KCP: variants seen among roughly 807,000 people sequenced by gnomAD.
KCP encodes the protein kielin/chordin-like protein.
In KCP, 194 loss-of-function variants were observed where a neutral mutation model predicts 212.7. The observed-to-expected ratio is 0.91, with a 90% CI of 0.81 to 1.03. The LOEUF (loss-of-function observed/expected upper bound fraction) is 1.03. KCP is among the 50% of genes least tolerant of loss of function. The pLI, the probability that KCP is intolerant of heterozygous loss-of-function variation, is 0.00. For missense variants in KCP, 2,080 were observed against 2,162.5 expected (o/e 0.96, Z 0.76); for synonymous variants, 833 against 865.3 (o/e 0.96, Z 0.65).
chr7:128,904,322 C>A (rs1254665245), intron 5 of KCP, 184 bp from the exon 6 acceptor site: 5 of 1,551,920 alleles, frequency 3.2e-6, no homozygotes, highest in Non-Finnish European at 2.6e-6. Flanking sequence ...AGGTGGGGTG[C>A]AGCTCTCCAA....
At position 128,891,206 on chromosome 7, in the gene KCP, C is replaced by G. The variant is rs1794101616; in HGVS notation, c.1951G>C (p.Glu651Gln). 2.6e-6 allele frequency: 4 copies of G among 1,544,526 alleles called. No individual in the cohort carries two copies. The highest frequency in any genetic ancestry group is 4.9e-5 in the East Asian group (2 of 40,880). ...CTACCTGGGCACTGCGGGCAGCACT[C>G]TCCCGGCAGCAGGACAGGCTCTGGA... ...PCPEPVLLPGECCPQCPAAPA... is the reference protein window; with the variant it reads ...PCPEPVLLPGQCCPQCPAAPA... The change falls in exon 19 of 40, where the codon GAG becomes CAG. Residue 651 changes from glutamate (E) to glutamine (Q), a missense_variant. Transcript: ENST00000610776.
intron 5 of KCP, among the ~76,000 whole-genome samples, chr7:128,905,100 C>T (rs1413228413): frequency 6.6e-6 from 1 of 151,960 alleles, no homozygotes; most frequent in South Asian, 2.1e-4. Context: ...GCACTCCAGG[C>T]TGCATTTCCA....
In KCP at chr7:128,884,876, G is replaced by A; in HGVS notation, c.3041-13C>T. On this transcript the variant is annotated splice_polypyrimidine_tract_variant and intron_variant, in intron 27 of 39. Coordinates refer to ENST00000610776, the MANE Select transcript of KCP (RefSeq NM_001366122.1). ...TCATGCTCACAGTCTTTGGGGTGGA[G>A]TGAGAGCAGAACGGGACCAGGGGTC... The A allele has an allele frequency of 6.5e-7, 1 of 1,550,366 alleles. No homozygotes were observed. The highest frequency in any genetic ancestry group is 8.7e-7 in the Non-Finnish European group (1 of 1,146,622).
At chr7:128,905,386 C>T (rs1338613404) in intron 5 of KCP, among the ~76,000 whole-genome samples, 1 of 152,220 alleles carries the variant, frequency 6.6e-6, no homozygotes. Flanking sequence ...CCAGTAACAC[C>T]CCCCTGCATA....
rs1793042665 is a variant in KCP at position 128,877,224 on chromosome 7, A to AG, written c.4705dup (p.Leu1569ProfsTer26). On this transcript the variant is annotated frameshift_variant, in exon 40 of 40. Transcript: ENST00000610776. LOFTEE classifies it high-confidence loss of function. ...CACGCAGTGGGCTGCCAGCTCCCCC[A>AG]GGGGGATATGCTGATTGAAGCAGGT... The AG allele has an allele frequency of 2.0e-6, 3 of 1,478,798 alleles. No homozygotes were observed. The highest frequency in any genetic ancestry group is 1.4e-5 in the South Asian group (1 of 72,644). The allele number at this position is 1,478,798 out of a possible 1,614,324, so 91.6% of individuals were successfully genotyped here.
chr7:128,896,545 GC>G lies in KCP; in HGVS notation c.832-2253del, dbSNP rs1585236975. 2.0e-5 allele frequency among the ~76,000 whole-genome samples: 3 copies of G among 152,216 alleles called. No homozygotes were observed. The East Asian group carries it at 5.8e-4, about 29-fold the overall frequency. Reference sequence around the variant, plus strand: ...AGTACAGGATCGTGGGACATGCGGAGCTTTTTCCTCCCTAAAAGGGAAAACT... The same window carrying G: ...AGTACAGGATCGTGGGACATGCGGAGTTTTTCCTCCCTAAAAGGGAAAACT... On this transcript the variant is annotated intron_variant, in intron 8 of 39. Transcript: ENST00000610776.
Position 128,891,020 on chromosome 7 carries a change from G to A in KCP, c.2049C>T (p.Gly683=), listed in dbSNP as rs1158111620. 2 of 1,344,884 alleles carry A rather than the reference G, an allele frequency of 1.5e-6. No individual in the cohort carries two copies. The highest frequency in any genetic ancestry group is 1.9e-6 in the Non-Finnish European group (2 of 1,053,532). The allele number at this position is 1,344,884 out of a possible 1,614,324, so 83.3% of individuals were successfully genotyped here. A position where few individuals can be genotyped will look rare whatever the true frequency, so the allele number is the denominator to read the frequency against. ...GGCAGAGGCAGCGGCGGCAGGGATC[G>A]CCGGGCGGGGAGAAGTACTCCTGGT... ...ARHQEYFSPP[G]DPCRRCLCLD... The change falls in exon 20 of 40, where the codon GGC becomes GGT. Residue 683 remains glycine, a synonymous_variant. Coordinates refer to ENST00000610776, the MANE Select transcript of KCP (RefSeq NM_001366122.1).
In KCP at chr7:128,879,517, CG is replaced by C; in HGVS notation, c.4146+4del. 6.5e-7 allele frequency: 1 copy of C among 1,548,054 alleles called. No homozygotes were observed. The highest frequency in any genetic ancestry group is 8.7e-7 in the Non-Finnish European group (1 of 1,145,874). On this transcript the variant is annotated splice_donor_region_variant and intron_variant, in intron 37 of 39. Coordinates refer to ENST00000610776, the MANE Select transcript of KCP (RefSeq NM_001366122.1). ...AGCCCACCCAGACTCGCCCTGGAGC[CG>C]CACCTGGAGCCCGGGCTGGGCGTGC... is the stretch of plus-strand genomic sequence containing the variant.
At chr7:128,906,085 A>G (rs749447445) in intron 5 of KCP, among the ~76,000 whole-genome samples, 194 bp downstream of exon 5, 1 of 152,028 alleles carries the variant, frequency 6.6e-6, no homozygotes, top group Non-Finnish European at 1.5e-5. Context: ...CTGTTTCCCT[A>G]TGGTCTCTGG....
Position 128,908,439 on chromosome 7 carries a change from T to C in KCP, c.206A>G (p.Glu69Gly). Residue 69 changes from glutamate (E) to glycine (G), a missense_variant, in exon 2 of 40, where the codon GAG becomes GGG. Physicochemically the swap from Glu to Gly is moderately conservative, Grantham distance 98. Coordinates refer to ENST00000610776, the MANE Select transcript of KCP (RefSeq NM_001366122.1). ...WLGRLEAAVMELREQNKDLQT... is the reference protein window; with the variant it reads ...WLGRLEAAVMGLREQNKDLQT... ...TCTCCATGGTACCTGTTCTCTGAGC[T>C]CCATCACTGCAGCCTCCAGTCGCCC... 6.4e-7 allele frequency: 1 copy of C among 1,551,498 alleles called. No homozygotes were observed. The highest frequency in any genetic ancestry group is 2.0e-5 in the Admixed American group (1 of 51,000).
At chr7:128,908,623 C>T in intron 1 of KCP, 55 bp from the exon 2 acceptor site, 1 of 1,515,946 alleles carries the variant, frequency 6.6e-7, no homozygotes, top group South Asian at 1.2e-5. Flanking sequence ...GGCCTGGCCA[C>T]ATTTTCTGGG....
At chr7:128,896,417 CGGTTAAGAATG>C (rs895847165) in intron 8 of KCP, among the ~76,000 whole-genome samples, 1 of 152,072 alleles carries the variant, frequency 6.6e-6, no homozygotes, top group Non-Finnish European at 1.5e-5. Flanking sequence ...AAATCCCTCC[CGGTTAAGAATG>C]GGTTTGGCAC....
At chr7:128,881,803 G>C in intron 30 of KCP, 78 bp from the exon 31 acceptor site, 2 of 1,387,910 alleles carry the variant, frequency 1.4e-6, no homozygotes, top group Non-Finnish European at 2.0e-6. Flanking sequence ...GGCAGGATGT[G>C]ACAGTCAGGA....
At chr7:128,881,527 T>A in intron 31 of KCP, 99 bp downstream of exon 31, 1 of 765,942 alleles carries the variant, frequency 1.3e-6, no homozygotes, top group Non-Finnish European at 2.0e-6. Flanking sequence ...AGAAACCGAG[T>A]ACAAACCCTG....
At chr7:128,887,400 G>T in intron 22 of KCP, 100 bp from the exon 23 acceptor site, 1 of 871,548 alleles carries the variant, frequency 1.1e-6, no homozygotes. Context: ...CACAGCCACA[G>T]CCACAGACAC....
chr7:128,902,704 T>A, intron 8 of KCP, 73 bp downstream of exon 8: 1 of 1,355,392 alleles, frequency 7.4e-7, no homozygotes, highest in Non-Finnish European at 1.0e-6. Flanking sequence ...AAGTACTCCA[T>A]AGAATGAGCA....
At chr7:128,884,588 C>T (rs1032643344) in intron 28 of KCP, among the ~76,000 whole-genome samples, 193 bp downstream of exon 28, 7 of 152,232 alleles carry the variant, frequency 4.6e-5, no homozygotes, top group South Asian at 2.1e-4. Context: ...TTGGAACCTG[C>T]GCTCCTTGTC....
rs774512721 is a variant in KCP at position 128,894,029 on chromosome 7, G to A, written c.952C>T (p.Arg318Cys). ...CCTGAGCCCACAGGCTCCCCGCTGC[G>A]GTGCTCCCGCCCGTTTAGGAAACAG... is the stretch of plus-strand genomic sequence containing the variant. The part of the protein sequence containing the change: ...DGCFLNGREH[R>C]SGEPVGSGDP... Residue 318 changes from arginine to cysteine, a missense_variant, in exon 10 of 40, where the codon CGC (arginine) becomes TGC (cysteine). By Grantham distance (180) the Arg-to-Cys change is radical. Coordinates refer to ENST00000610776, the MANE Select transcript of KCP (RefSeq NM_001366122.1). The A allele has an allele frequency of 1.2e-5, 19 of 1,550,064 alleles. No individual in the cohort carries two copies. The highest frequency in any genetic ancestry group is 5.9e-5 in the Admixed American group (3 of 50,996).
intron 20 of KCP, 50 bp downstream of exon 20, chr7:128,890,855 G>A: frequency 1.6e-6 from 2 of 1,215,582 alleles, no homozygotes; most frequent in Non-Finnish European, 2.1e-6. Flanking sequence ...CCGGGGCGGG[G>A]CGGGGCGGCA....
Sources: allele counts gnomAD v4.1 joint callset (sites outside exome capture counted in the v4.1 genomes callset), GRCh38; gene constraint gnomAD v4.1.1; transcripts MANE v1.5; gene names NCBI Gene and HGNC (gene_info 2026-07-23, HGNC 2026-07-21).